The following BIRC6 variants were observed in gnomAD, a reference collection of about 807,000 sequenced individuals.
BIRC6 encodes the protein baculoviral IAP repeat containing 6, also known as dual E2 ubiquitin-conjugating enzyme/E3 ubiquitin-protein ligase BIRC6.
In BIRC6, 98 loss-of-function variants were observed where a neutral mutation model predicts 503.3. That is an observed-to-expected ratio of 0.19 (90% confidence interval 0.17 to 0.23). BIRC6 has a LOEUF of 0.23. Among genes scored for constraint, BIRC6 ranks in the 10% least tolerant of loss-of-function variants. BIRC6 has a pLI of 1.00. For missense variants in BIRC6, 5,360 were observed against 5,806.0 expected, an observed-to-expected ratio of 0.92 and a Z score of 2.50; for synonymous variants, 2,240 against 2,078.7, an observed-to-expected ratio of 1.08 and a Z score of -2.11.
chr2:32,593,851 G>A, intron 66 of BIRC6, 64 bp from the exon 67 acceptor site: 15 of 1,350,282 alleles, frequency 1.1e-5, no homozygotes, highest in Non-Finnish European at 1.6e-5. Context: ...ATTGATTTAT[G>A]GAGGTGTTTT....
intron 62 of BIRC6, among the ~76,000 whole-genome samples, chr2:32,544,491 CT>C (rs56694490): frequency 1.2e-3 from 166 of 134,752 alleles, no homozygotes; most frequent in Non-Finnish European, 1.5e-3. Context: ...CTTTCTTCTT[CT>C]TTTTTTTTTT....
chr2:32,591,641 T>A (rs113880938), intron 66 of BIRC6, among the ~76,000 whole-genome samples: 1 of 152,224 alleles, frequency 6.6e-6, no homozygotes, highest in African/African-American at 2.4e-5. Context: ...CTTCCTTCTC[T>A]GCAAGATATG....
chr2:32,602,201 A>AGGTGAATG (rs1384881073), intron 70 of BIRC6, among the ~76,000 whole-genome samples: 2 of 152,204 alleles, frequency 1.3e-5, no homozygotes, highest in Non-Finnish European at 2.9e-5. Context: ...GGCCATCAAC[A>AGGTGAATG]GGTGAATGGA....
chr2:32,491,654 A>G, intron 44 of BIRC6, 96 bp downstream of exon 44: 5 of 1,276,984 alleles, frequency 3.9e-6, no homozygotes, highest in Non-Finnish European at 4.3e-6. Flanking sequence ...AAAGTATTAA[A>G]TAATAGCCTT....
At chr2:32,443,320 A>G in intron 19 of BIRC6, 171 bp from the exon 20 acceptor site, 1 of 547,176 alleles carries the variant, frequency 1.8e-6, no homozygotes, top group Non-Finnish European at 3.2e-6. Context: ...AACCCTCCTT[A>G]GTATAATCAG....
In BIRC6 at chr2:32,513,018, A is replaced by G; in HGVS notation, c.10432A>G (p.Asn3478Asp). The G allele has an allele frequency of 6.2e-7, 1 of 1,613,918 alleles. No individual in the cohort carries two copies. The highest frequency in any genetic ancestry group is 8.5e-7 in the Non-Finnish European group (1 of 1,179,854). The change falls in exon 54 of 74, where the codon AAC becomes GAC. Residue 3478 changes from asparagine to aspartate, a missense_variant. Asn to Asp is a conservative substitution (Grantham distance 23). Coordinates refer to ENST00000421745, the MANE Select transcript of BIRC6 (RefSeq NM_016252.4). The stretch of plus-strand genomic sequence containing the variant: ...TGGCAGGATGAACTACATGTGTCCT[A>G]ACTCCTCAACAGTAGAGTATGGTCT... ...RSGRMNYMCPNSSTVEYGLLM... is the reference protein window; with the variant it reads ...RSGRMNYMCPDSSTVEYGLLM...
At chr2:32,372,698 T>C (rs1032469936) in intron 1 of BIRC6, among the ~76,000 whole-genome samples, 7 of 152,024 alleles carry the variant, frequency 4.6e-5, no homozygotes, top group African/African-American at 1.7e-4. Flanking sequence ...GACATCATGG[T>C]GTGCGCCTGT....
chr2:32,442,604 TAG>T, intron 19 of BIRC6, 149 bp downstream of exon 19: 1 of 1,062,408 alleles, frequency 9.4e-7, no homozygotes, highest in Non-Finnish European at 1.3e-6. Context: ...TTGATAATCT[TAG>T]CAAGAATTTT....
chr2:32,374,803 G>C lies in BIRC6; in HGVS notation c.326-2785G>C, dbSNP rs571739098. Among the ~76,000 whole-genome samples, 4 of 152,110 alleles carry C rather than the reference G, an allele frequency of 2.6e-5. No individual in the cohort carries two copies. In the South Asian group the frequency reaches 8.3e-4, roughly 32 times the overall value. On this transcript the variant is annotated intron_variant, in intron 1 of 73. Coordinates refer to ENST00000421745, the MANE Select transcript of BIRC6 (RefSeq NM_016252.4). The stretch of plus-strand genomic sequence containing the variant: ...TTAATTTTTAAATTAAGATAGATAC[G>C]GGGTCTGTCTCAGGCTGGTCTCAAA...
intron 66 of BIRC6, among the ~76,000 whole-genome samples, chr2:32,581,027 G>A (rs1326195005): frequency 1.3e-5 from 2 of 152,206 alleles, no homozygotes; most frequent in Non-Finnish European, 2.9e-5. Flanking sequence ...TACAATGTTA[G>A]GCAGAAATTT....
Position 32,549,346 on chromosome 2 carries a change from G to A in BIRC6, c.13009G>A (p.Ala4337Thr). Residue 4337 changes from alanine to threonine, a missense_variant, in exon 65 of 74, where the codon GCG becomes ACG. Physicochemically the swap from Ala to Thr is moderately conservative, Grantham distance 58 (BLOSUM62 0). Transcript: ENST00000421745. ...LASYINPVSS[A>T]VNGEAQSSHE... The stretch of plus-strand genomic sequence containing the variant: ...CAGTTACATAAATCCCGTCAGTAGT[G>A]CGGTAAATGGAGAAGCTCAGTCATC... The A allele has an allele frequency of 6.8e-7, 1 of 1,477,130 alleles. No individual in the cohort carries two copies. The highest frequency in any genetic ancestry group is 1.4e-5 in the African/African-American group (1 of 72,708). 91.5% of individuals were successfully genotyped at this position (1,477,130 alleles called of 1,614,324 possible). A position where few individuals can be genotyped will look rare whatever the true frequency, so the allele number is the denominator to read the frequency against.
At chr2:32,577,929 A>G (rs1393459326) in intron 66 of BIRC6, among the ~76,000 whole-genome samples, 1 of 152,228 alleles carries the variant, frequency 6.6e-6, no homozygotes, top group Non-Finnish European at 1.5e-5. Context: ...GCATGTGAAG[A>G]TATAATGAGT....
chr2:32,612,390 CT>C (rs766843228), intron 73 of BIRC6, among the ~76,000 whole-genome samples: 1 of 152,068 alleles, frequency 6.6e-6, no homozygotes, highest in Non-Finnish European at 1.5e-5. Flanking sequence ...CCACGGAGAT[CT>C]TTCTTTGTAA....
In BIRC6 at chr2:32,543,282, G is replaced by T. The variant is rs1025618860; in HGVS notation, c.12333G>T (p.Pro4111=). 2 of 1,613,852 alleles carry T rather than the reference G, an allele frequency of 1.2e-6. No individual in the cohort carries two copies. Among genetic ancestry groups the T allele is most frequent in the Admixed American group, 1.7e-5 (1 of 60,006 alleles). Residue 4111 remains proline (P), a synonymous_variant, in exon 62 of 74, where the codon CCG becomes CCT. Coordinates refer to ENST00000421745, the MANE Select transcript of BIRC6 (RefSeq NM_016252.4). ...TAACATCTACCACTCAGGAAAAGCC[G>T]AAGGATAGCGATCAGTTTGAATGGG... The part of the protein sequence containing the change: ...PVVTSTTQEK[P]KDSDQFEWVT...
intron 9 of BIRC6, among the ~76,000 whole-genome samples, chr2:32,410,454 A>G (rs1473147894): frequency 6.6e-6 from 1 of 152,236 alleles, no homozygotes; most frequent in East Asian, 1.9e-4. Context: ...AGCTTCATTA[A>G]TACAATTAAA....
Position 32,439,642 on chromosome 2 carries a change from G to A in BIRC6, c.3766G>A (p.Gly1256Ser). ...LPSLKHQSNKGYSLASLLAKV... is the reference protein window; with the variant it reads ...LPSLKHQSNKSYSLASLLAKV... ...ATCCCTAAAACACCAGAGTAACAAG[G>A]GTTATTCACTTGCTTCACTTTTGGC... Residue 1256 changes from glycine (G) to serine (S), a missense_variant, in exon 16 of 74, where the codon GGT becomes AGT. Coordinates refer to ENST00000421745, the MANE Select transcript of BIRC6 (RefSeq NM_016252.4). 1 of 1,613,844 alleles carries A rather than the reference G, an allele frequency of 6.2e-7. No homozygotes were observed. The highest frequency in any genetic ancestry group is 8.5e-7 in the Non-Finnish European group (1 of 1,179,842).
At chr2:32,532,322 G>C (rs923183901) in intron 61 of BIRC6, 3 of 458,814 alleles carry the variant, frequency 6.5e-6, no homozygotes, top group Non-Finnish European at 1.3e-5. Context: ...GCAGGGCCAT[G>C]CTCCCTCTGA....
At position 32,491,514 on chromosome 2, in the gene BIRC6, C is replaced by T; in HGVS notation, c.8296C>T (p.Leu2766Phe). 2.5e-6 allele frequency: 4 copies of T among 1,613,630 alleles called. No individual in the cohort carries two copies. Among genetic ancestry groups the T allele is most frequent in the South Asian group, 2.2e-5 (2 of 91,072 alleles). The change falls in exon 44 of 74, where the codon CTT becomes TTT. Residue 2766 changes from leucine (L) to phenylalanine (F), a missense_variant. Transcript: ENST00000421745. ...PNLIHVLVKF[L>F]SGTSPHGTNQ... Reference sequence around the variant, plus strand: ...CCTAATTCATGTATTAGTGAAATTTCTTTCTGGCACCAGTCCACATGGAAC... The same window carrying T: ...CCTAATTCATGTATTAGTGAAATTTTTTTCTGGCACCAGTCCACATGGAAC...
At chr2:32,583,746 CCT>C (rs911889593) in intron 66 of BIRC6, among the ~76,000 whole-genome samples, 1 of 151,860 alleles carries the variant, frequency 6.6e-6, no homozygotes, top group Non-Finnish European at 1.5e-5. Flanking sequence ...TTTTTTTCCC[CCT>C]GAGACAGTCT....
Sources: gnomAD v4.1 joint callset for allele counts (sites outside exome capture counted in the v4.1 genomes callset) on GRCh38, gnomAD v4.1.1 for gene constraint, MANE v1.5 for transcripts, NCBI Gene and HGNC (gene_info 2026-07-23, HGNC 2026-07-21) for gene names.